AKT3: variants seen among roughly 807,000 people sequenced by gnomAD.
AKT3 encodes the protein RAC-gamma serine/threonine-protein kinase.
In AKT3, 15 loss-of-function variants were observed where a neutral mutation model predicts 65.3. That is an observed-to-expected ratio of 0.23 (90% CI 0.15 to 0.35). AKT3 has a LOEUF of 0.35. AKT3 is among the 10% of genes least tolerant of loss of function. The pLI is 1.00. For missense variants in AKT3, 243 were observed against 576.5 expected (o/e 0.42, Z 5.92); for synonymous variants, 206 against 183.8 (o/e 1.12, Z -0.98).
chr1:243,631,584 C>T (rs1679616545), intron 6 of AKT3, among the ~76,000 whole-genome samples: 1 of 152,192 alleles, frequency 6.6e-6, no homozygotes, highest in Non-Finnish European at 1.5e-5. Context: ...CCACCATGCC[C>T]AGCGTGGCAA....
At chr1:243,722,710 T>C (rs903436726) in intron 2 of AKT3, among the ~76,000 whole-genome samples, 1 of 152,194 alleles carries the variant, frequency 6.6e-6, no homozygotes, top group Non-Finnish European at 1.5e-5. Context: ...ACATAATGAT[T>C]CATGTCTTCA....
rs1695700079 is a variant in AKT3 at position 243,850,036 on chromosome 1, T to G, written c.-113+4A>C. 2.0e-6 allele frequency: 2 copies of G among 984,096 alleles called. No homozygotes were observed. Among genetic ancestry groups the G allele is most frequent in the Non-Finnish European group, 2.4e-6 (2 of 830,704 alleles). The allele number at this position is 984,096 out of a possible 1,614,324, so 61.0% of individuals were successfully genotyped here. On this transcript the variant is annotated splice_donor_region_variant and intron_variant, in intron 1 of 13. Coordinates refer to ENST00000673466, the MANE Select transcript of AKT3 (RefSeq NM_005465.7). ...GGGCTAGAGTTGGGGGCGGTGGCTG[T>G]TACCTGCAACGGCGGCGGCGGCGGT...
chr1:243,845,913 A>G (rs113005929), intron 1 of AKT3, among the ~76,000 whole-genome samples: 2,410 of 152,250 alleles, frequency 0.016, 32 homozygotes, highest in Non-Finnish European at 0.024. Context: ...GTGATGCTGT[A>G]TAAGGTCACT....
In AKT3 at chr1:243,809,056, A is replaced by G. The variant is rs567907639; in HGVS notation, c.46+34069T>C. Among the ~76,000 whole-genome samples, 4 of 152,330 alleles carry G rather than the reference A, an allele frequency of 2.6e-5. No homozygotes were observed. The South Asian group carries it at 8.3e-4, about 32-fold the overall frequency. Reference sequence around the variant, plus strand: ...GCGCTAAACATGGAAAGGAACAACCAGTACCAGCCACTGCAAAAACATGCC... The same window carrying G: ...GCGCTAAACATGGAAAGGAACAACCGGTACCAGCCACTGCAAAAACATGCC... On this transcript the variant is annotated intron_variant, in intron 2 of 13. Coordinates refer to ENST00000673466, the MANE Select transcript of AKT3 (RefSeq NM_005465.7).
At chr1:243,546,793 A>T (rs1672704952) in intron 11 of AKT3, 1 of 152,190 alleles carries the variant, frequency 6.6e-6, no homozygotes, top group Non-Finnish European at 1.5e-5. Context: ...GTGTATTGTA[A>T]ATTAGTCACC....
chr1:243,628,741 T>C (rs1021882174), intron 6 of AKT3, among the ~76,000 whole-genome samples: 5 of 152,212 alleles, frequency 3.3e-5, no homozygotes, highest in East Asian at 1.9e-4. Flanking sequence ...TTACAGATGA[T>C]AGCAGTTCAA....
intron 2 of AKT3, among the ~76,000 whole-genome samples, chr1:243,761,837 T>G (rs1183146090): frequency 1.3e-5 from 2 of 152,186 alleles, no homozygotes; most frequent in Non-Finnish European, 2.9e-5. Flanking sequence ...ATGTACACAT[T>G]TTAAGAAATA....
intron 1 of AKT3, among the ~76,000 whole-genome samples, chr1:243,844,505 GT>G (rs927784632): frequency 1.3e-4 from 20 of 152,236 alleles, no homozygotes; most frequent in African/African-American, 4.6e-4. Flanking sequence ...TTGAGATGGG[GT>G]TTCCCCCCAT....
intron 8 of AKT3, among the ~76,000 whole-genome samples, chr1:243,583,337 G>A (rs1558632578): frequency 6.7e-6 from 1 of 149,864 alleles, no homozygotes; most frequent in African/African-American, 2.4e-5. Context: ...AATAGTGGGG[G>A]ACTTCAACAC....
At chr1:243,711,443 T>G in intron 2 of AKT3, among the ~76,000 whole-genome samples, 1 of 152,224 alleles carries the variant, frequency 6.6e-6, no homozygotes, top group South Asian at 2.1e-4. Context: ...TTTAAATAAT[T>G]TATTTCCCTC....
chr1:243,583,938 T>C (rs1675607233), intron 8 of AKT3, among the ~76,000 whole-genome samples: 2 of 150,782 alleles, frequency 1.3e-5, no homozygotes, highest in South Asian at 4.2e-4. Context: ...AACTAACCCA[T>C]AAGCTAGCAG....
chr1:243,645,796 A>G (rs553567275), intron 5 of AKT3, 97 bp downstream of exon 5: 2 of 1,247,926 alleles, frequency 1.6e-6, no homozygotes, highest in African/African-American at 3.0e-5. Flanking sequence ...TACATATCGT[A>G]AGAAAACTGG....
chr1:243,735,210 T>C (rs1005963237), intron 2 of AKT3: 1 of 152,230 alleles, frequency 6.6e-6, no homozygotes, highest in Non-Finnish European at 1.5e-5. Context: ...TTATTATCAT[T>C]ATCAAGTACT....
At chr1:243,743,685 G>A (rs1162743003) in intron 2 of AKT3, among the ~76,000 whole-genome samples, 2 of 152,090 alleles carry the variant, frequency 1.3e-5, no homozygotes, top group Non-Finnish European at 2.9e-5. Context: ...ATGAAAAAGA[G>A]TTCTACTTCA....
chr1:243,667,856 G>A (rs889610031), intron 3 of AKT3, among the ~76,000 whole-genome samples: 2 of 151,970 alleles, frequency 1.3e-5, no homozygotes, highest in African/African-American at 4.8e-5. Flanking sequence ...TGGCTTCCCT[G>A]CATTTCCTCA....
intron 2 of AKT3, among the ~76,000 whole-genome samples, chr1:243,719,169 T>C (rs1013276048): frequency 6.6e-6 from 1 of 152,218 alleles, no homozygotes; most frequent in Non-Finnish European, 1.5e-5. Flanking sequence ...AAGCTGCATG[T>C]GGAATGTGGC....
intron 12 of AKT3, among the ~76,000 whole-genome samples, chr1:243,526,976 C>G (rs936044925): frequency 2.6e-5 from 4 of 151,754 alleles, no homozygotes; most frequent in Non-Finnish European, 4.4e-5. Flanking sequence ...TGAATTATCT[C>G]AATAAAAAAT....
chr1:243,619,330 C>T (rs1678571331), intron 6 of AKT3, among the ~76,000 whole-genome samples: 1 of 152,110 alleles, frequency 6.6e-6, no homozygotes, highest in Non-Finnish European at 1.5e-5. Context: ...ATATTCATCA[C>T]CTCCAACCTT....
intron 2 of AKT3, among the ~76,000 whole-genome samples, chr1:243,798,393 ATTTTTTTT>A (rs759264137): frequency 1.7e-4 from 14 of 83,312 alleles, no homozygotes; most frequent in African/African-American, 5.3e-4. Context: ...CTAATTTTTA[ATTTTTTTT>A]TTTTTTTTTT....
Sources: allele counts gnomAD v4.1 joint callset (sites outside exome capture counted in the v4.1 genomes callset), GRCh38; gene constraint gnomAD v4.1.1; transcripts MANE v1.5; gene names NCBI Gene and HGNC (gene_info 2026-07-23, HGNC 2026-07-21).